The following NFIB variants were observed in gnomAD, a reference collection of about 807,000 sequenced individuals.
The protein encoded by NFIB is nuclear factor I B.
In NFIB, 11 loss-of-function variants were observed where a neutral mutation model predicts 61.5. The ratio of observed to expected loss-of-function variants is 0.18; its 90% CI spans 0.11 to 0.30. The LOEUF (loss-of-function observed/expected upper bound fraction) is 0.30, where lower values mean the gene tolerates loss of function less well. Among genes scored for constraint, NFIB ranks in the 10% least tolerant of loss-of-function variants. NFIB has a pLI of 1.00. For missense variants in NFIB, 471 were observed against 608.9 expected, an observed-to-expected ratio of 0.77 and a Z score of 2.38; for synonymous variants, 260 against 216.5, an observed-to-expected ratio of 1.20 and a Z score of -1.76.
chr9:14,166,294 G>A (rs2044780113), intron 3 of NFIB, among the ~76,000 whole-genome samples: 1 of 151,850 alleles, frequency 6.6e-6, no homozygotes, highest in Non-Finnish European at 1.5e-5. Context: ...TAACATTTTT[G>A]CAAATAAAAT....
intron 10 of NFIB, 146 bp downstream of exon 10, chr9:14,112,853 A>C (rs1163870130): frequency 3.0e-6 from 2 of 660,752 alleles, no homozygotes; most frequent in East Asian, 5.7e-5. Context: ...AGGATCAATG[A>C]GAAAAAATTC....
intron 2 of NFIB, among the ~76,000 whole-genome samples, chr9:14,273,194 G>A (rs1181656279): frequency 6.6e-6 from 1 of 152,028 alleles, no homozygotes; most frequent in East Asian, 1.9e-4. Flanking sequence ...TTTTTAATAA[G>A]TACATTTTCC....
chr9:14,152,382 C>T (rs1179036874), intron 4 of NFIB, among the ~76,000 whole-genome samples: 3 of 152,022 alleles, frequency 2.0e-5, no homozygotes, highest in African/African-American at 7.2e-5. Context: ...AGAAATCCCA[C>T]AGTAACCGCA....
At position 14,200,939 on chromosome 9, in the gene NFIB, A is replaced by G. The variant is rs188840961; in HGVS notation, c.563-21159T>C. Reference sequence around the variant, plus strand: ...ACTCTTGCCTCCCCGCAACCAATCCATATCTCAATTAATGGCATTCACAGC... The same window carrying G: ...ACTCTTGCCTCCCCGCAACCAATCCGTATCTCAATTAATGGCATTCACAGC... On this transcript the variant is annotated intron_variant, in intron 2 of 10. Coordinates refer to ENST00000380953, the MANE Select transcript of NFIB (RefSeq NM_001190737.2). Among the ~76,000 whole-genome samples, 468 of 152,264 alleles carry G rather than the reference A, an allele frequency of 3.1e-3. 2 individuals carry two copies. Among genetic ancestry groups the G allele is most frequent in the African/African-American group, 0.011 (450 of 41,546 alleles).
At chr9:14,450,134 G>T in the NFIB span, among the ~76,000 whole-genome samples, 2 of 151,572 alleles carry the variant, frequency 1.3e-5, no homozygotes, top group Non-Finnish European at 2.9e-5. Context: ...CCTACACTCC[G>T]ACAGGCCCCG....
chr9:14,391,028 G>C lies in NFIB; in HGVS notation c.108+7496C>G, dbSNP rs1434395868. Reference sequence around the variant, plus strand: ...GTGGAATAGACACATTTCACATACAGAAGAATATCAATTTGTACAGATACT... The same window carrying C: ...GTGGAATAGACACATTTCACATACACAAGAATATCAATTTGTACAGATACT... On this transcript the variant is annotated intron_variant, in intron 1 of 8. Coordinates refer to the NFIB transcript ENST00000380934. Among the ~76,000 whole-genome samples, 3 of 152,258 alleles carry C rather than the reference G, an allele frequency of 2.0e-5. No individual in the cohort carries two copies. In the East Asian group the frequency reaches 5.8e-4, roughly 29 times the overall value.
intron 1 of NFIB, among the ~76,000 whole-genome samples, chr9:14,384,042 C>T (rs533848765): frequency 5.4e-4 from 83 of 152,318 alleles, no homozygotes; most frequent in African/African-American, 1.7e-3. Context: ...GATGCTTAAG[C>T]GAGCCACTTA....
chr9:14,452,015 C>G, the NFIB span, among the ~76,000 whole-genome samples: 1 of 152,054 alleles, frequency 6.6e-6, no homozygotes, highest in Non-Finnish European at 1.5e-5. Flanking sequence ...CAAGTTAATC[C>G]GGGATGTCTG....
At chr9:14,090,936 CATT>C (rs1490444735) in intron 10 of NFIB, among the ~76,000 whole-genome samples, 2 of 151,964 alleles carry the variant, frequency 1.3e-5, no homozygotes, top group African/African-American at 4.8e-5. Context: ...AGACATATGT[CATT>C]ATTCTTTGGA....
chr9:14,327,838 C>T (rs1423133076), intron 1 of NFIB, among the ~76,000 whole-genome samples: 1 of 152,144 alleles, frequency 6.6e-6, no homozygotes, highest in African/African-American at 2.4e-5. Context: ...AAACAAAACC[C>T]TCCTATAATA....
the NFIB span, among the ~76,000 whole-genome samples, chr9:14,419,989 C>A: frequency 6.6e-6 from 1 of 152,134 alleles, no homozygotes; most frequent in Non-Finnish European, 1.5e-5. Flanking sequence ...AAGGCTACTT[C>A]ATTTATTAAT....
At chr9:14,117,331 A>C (rs976320459) in intron 8 of NFIB, among the ~76,000 whole-genome samples, 5 of 152,204 alleles carry the variant, frequency 3.3e-5, no homozygotes, top group African/African-American at 9.7e-5. Context: ...AATCCTAAGG[A>C]TACACTCTTT....
At chr9:14,482,756 G>A in the NFIB span, among the ~76,000 whole-genome samples, 16,725 of 152,138 alleles carry the variant, frequency 0.11, 1,015 homozygotes, top group South Asian at 0.19. Context: ...AGATATTTGG[G>A]CAATGTTAAA....
At chr9:14,442,642 T>G in the NFIB span, among the ~76,000 whole-genome samples, 1 of 152,132 alleles carries the variant, frequency 6.6e-6, no homozygotes, top group Non-Finnish European at 1.5e-5. Flanking sequence ...GGCATCACTC[T>G]AATCTCTGTC....
intron 3 of NFIB, among the ~76,000 whole-genome samples, chr9:14,161,656 A>G (rs951840727): frequency 6.6e-6 from 1 of 152,092 alleles, no homozygotes; most frequent in Non-Finnish European, 1.5e-5. Context: ...ATCATACTTT[A>G]TATTAACCAT....
intron 1 of NFIB, among the ~76,000 whole-genome samples, chr9:14,346,996 T>C (rs1213160226): frequency 6.6e-6 from 1 of 151,702 alleles, no homozygotes; most frequent in Non-Finnish European, 1.5e-5. Context: ...CTAGGTCTCC[T>C]AGGGAGACGA....
rs532371977 is a variant in NFIB, at chr9:14,294,562, A to G, written c.562+12427T>C. On this transcript the variant is annotated intron_variant, in intron 2 of 10. Coordinates refer to ENST00000380953, the MANE Select transcript of NFIB (RefSeq NM_001190737.2). ...GAGTTTTGTGTATCCCATGAACAGA[A>G]CTGCTACTAAACACCAGTGTGTTAT... 3.9e-5 allele frequency among the ~76,000 whole-genome samples: 6 copies of G among 152,322 alleles called. No homozygotes were observed. In the South Asian group the frequency reaches 8.3e-4, roughly 21 times the overall value.
intron 2 of NFIB, among the ~76,000 whole-genome samples, chr9:14,256,734 G>GTGAGAAGGGTGAGAGGGAGC (rs1444919932): frequency 7.2e-5 from 11 of 152,298 alleles, no homozygotes; most frequent in Admixed American, 4.6e-4. Context: ...AGACCATTGG[G>GTGAGAAGGGTGAGAGGGAGC]TGAGAAGGGT....
Position 14,120,014 on chromosome 9 carries a change from A to G in NFIB, c.1245+426T>C, listed in dbSNP as rs1362253393. On this transcript the variant is annotated intron_variant, in intron 8 of 10. Transcript: ENST00000380953. The surrounding 1 kb of genome is among the most constrained non-coding windows in gnomAD (Gnocchi z 4.4). ...TGTTTACATTACCAAAGCTTATTTTAATACCTAATAGTTGGTCTATAAATA... is the reference window on the plus strand; with the variant it reads ...TGTTTACATTACCAAAGCTTATTTTGATACCTAATAGTTGGTCTATAAATA... 6.6e-6 allele frequency among the ~76,000 whole-genome samples: 1 copy of G among 152,234 alleles called. No individual in the cohort carries two copies. Among genetic ancestry groups the G allele is most frequent in the Non-Finnish European group, 1.5e-5 (1 of 68,046 alleles).
Sources: allele counts gnomAD v4.1 joint callset (sites outside exome capture counted in the v4.1 genomes callset), GRCh38; gene constraint gnomAD v4.1.1; non-coding constraint Gnocchi (gnomAD v3.1); transcripts MANE v1.5; gene names NCBI Gene and HGNC (gene_info 2026-07-23, HGNC 2026-07-21).